The following ELMO1 variants were observed in gnomAD, a reference collection of about 807,000 sequenced individuals.
ELMO1 encodes engulfment and cell motility 1.
Under a neutral mutation model 98.9 loss-of-function variants are expected in ELMO1, and 26 were observed. The observed-to-expected ratio is 0.26, with a 90% CI of 0.19 to 0.36. The LOEUF (loss-of-function observed/expected upper bound fraction) is 0.36, where lower values mean the gene tolerates loss of function less well. ELMO1 is among the 10% of genes least tolerant of loss of function. The pLI, the probability that ELMO1 is intolerant of heterozygous loss-of-function variation, is 1.00. For missense variants in ELMO1, 627 were observed against 935.2 expected (o/e 0.67, Z 4.30); for synonymous variants, 346 against 346.0 (o/e 1.00, Z 0.00).
intron 16 of ELMO1, among the ~76,000 whole-genome samples, chr7:37,001,751 G>A (rs1174127122): frequency 1.3e-5 from 2 of 152,224 alleles, no homozygotes; most frequent in African/African-American, 2.4e-5. Flanking sequence ...ACGTACAAGA[G>A]CAGTTCAGGT....
chr7:37,157,845 A>G (rs1788905392), intron 13 of ELMO1, among the ~76,000 whole-genome samples: 1 of 152,156 alleles, frequency 6.6e-6, no homozygotes, highest in African/African-American at 2.4e-5. Flanking sequence ...CTGCATGGCC[A>G]AGTCAATCCT....
intron 13 of ELMO1, among the ~76,000 whole-genome samples, chr7:37,181,471 G>C (rs918893165): frequency 6.6e-6 from 1 of 152,144 alleles, no homozygotes; most frequent in African/African-American, 2.4e-5. Context: ...GATGGCCTTT[G>C]AGCGTCCTTG....
chr7:37,201,422 C>T (rs1450530889), intron 13 of ELMO1, among the ~76,000 whole-genome samples: 1 of 152,176 alleles, frequency 6.6e-6, no homozygotes, highest in Non-Finnish European at 1.5e-5. Context: ...GCTTGCCCTA[C>T]TTAAAATACT....
At chr7:37,420,430 T>G (rs139574512) in intron 1 of ELMO1, among the ~76,000 whole-genome samples, 129 of 152,380 alleles carry the variant, frequency 8.5e-4, no homozygotes, top group African/African-American at 3.0e-3. Context: ...CTTTTGTACC[T>G]GATTTTGTGT....
intron 16 of ELMO1, among the ~76,000 whole-genome samples, chr7:36,964,495 C>T (rs1444842025): frequency 6.6e-6 from 1 of 152,238 alleles, no homozygotes; most frequent in African/African-American, 2.4e-5. Context: ...GCTCTCACAT[C>T]ATCATAAAGT....
intron 1 of ELMO1, among the ~76,000 whole-genome samples, chr7:37,420,966 T>C (rs1355915810): frequency 2.0e-5 from 3 of 152,230 alleles, no homozygotes; most frequent in Admixed American, 6.5e-5. Flanking sequence ...CACACTTGTA[T>C]CTGATGGCCT....
chr7:37,230,464 G>C (rs1305633453), intron 8 of ELMO1, among the ~76,000 whole-genome samples: 1 of 152,124 alleles, frequency 6.6e-6, no homozygotes, highest in East Asian at 1.9e-4. Flanking sequence ...GAAGCACCCT[G>C]ACCATGTGAC....
intron 15 of ELMO1, among the ~76,000 whole-genome samples, chr7:37,019,630 G>A (rs999313398): frequency 6.6e-6 from 1 of 152,144 alleles, no homozygotes; most frequent in African/African-American, 2.4e-5. Context: ...GTTTATTATT[G>A]TTTTTAAAGG....
chr7:37,243,987 G>C (rs1368461809), intron 7 of ELMO1, among the ~76,000 whole-genome samples: 1 of 152,078 alleles, frequency 6.6e-6, no homozygotes, highest in East Asian at 1.9e-4. Context: ...AGCCACTGAA[G>C]AAAATCAAAG....
In ELMO1 at chr7:36,990,464, A is replaced by G. The variant is rs563371113; in HGVS notation, c.1437+22835T>C. Among the ~76,000 whole-genome samples, 3 of 152,314 alleles carry G rather than the reference A, an allele frequency of 2.0e-5. No individual in the cohort carries two copies. The East Asian group carries it at 5.8e-4, about 29-fold the overall frequency. Reference sequence around the variant, plus strand: ...CATTCAGATTTACTATGTGCTGTCCACAAAAGGAGAAGGGAATCACAGTAT... The same window carrying G: ...CATTCAGATTTACTATGTGCTGTCCGCAAAAGGAGAAGGGAATCACAGTAT... On this transcript the variant is annotated intron_variant, in intron 16 of 21. Coordinates refer to ENST00000310758, the MANE Select transcript of ELMO1 (RefSeq NM_014800.11).
At chr7:37,156,835 G>A (rs962249310) in intron 13 of ELMO1, among the ~76,000 whole-genome samples, 4 of 152,130 alleles carry the variant, frequency 2.6e-5, no homozygotes, top group Middle Eastern at 3.2e-3. Context: ...GCATCATCCT[G>A]ACACCAAAGC....
intron 9 of ELMO1, among the ~76,000 whole-genome samples, chr7:37,224,056 G>A (rs1793737125): frequency 6.6e-6 from 1 of 152,134 alleles, no homozygotes; most frequent in Admixed American, 6.5e-5. Flanking sequence ...AGGACTCCGG[G>A]GAAGCTATGG....
chr7:37,282,706 A>C (rs1271219292), intron 4 of ELMO1, among the ~76,000 whole-genome samples: 1 of 152,234 alleles, frequency 6.6e-6, no homozygotes, highest in Non-Finnish European at 1.5e-5. Context: ...GTAAATGCCC[A>C]TTCCCCATAA....
Position 36,855,722 on chromosome 7 carries a change from C to T in ELMO1, c.2013G>A (p.Ala671=), listed in dbSNP as rs776112181. 14 of 1,614,010 alleles carry T rather than the reference C, an allele frequency of 8.7e-6. No individual in the cohort carries two copies. Among genetic ancestry groups the T allele is most frequent in the South Asian group, 4.4e-5 (4 of 91,082 alleles). The part of the protein sequence containing the change: ...EYCIWTDGLN[A]LLGKDMMSDL... ...CGCTCATCATGTCCTTCCCGAGTAG[C>T]GCATTCAGTCCATCCGTCCAGATAC... Residue 671 remains alanine (A), a synonymous_variant, in exon 22 of 22, where the codon GCG becomes GCA. Coordinates refer to ENST00000310758, the MANE Select transcript of ELMO1 (RefSeq NM_014800.11). This position sits in a 1 kb window ranked among gnomAD's most constrained non-coding sequence, Gnocchi z 4.2.
chr7:37,439,173 A>G (rs1048998789), intron 1 of ELMO1, among the ~76,000 whole-genome samples: 2 of 152,096 alleles, frequency 1.3e-5, no homozygotes, highest in African/African-American at 2.4e-5. Context: ...CATCTAATCT[A>G]TCCTCCAGGT....
intron 2 of ELMO1, among the ~76,000 whole-genome samples, chr7:37,329,104 T>C (rs1433820838): frequency 6.6e-6 from 1 of 152,162 alleles, no homozygotes; most frequent in African/African-American, 2.4e-5. Context: ...GAAGGCATTT[T>C]GGGTTGAAGA....
intron 16 of ELMO1, among the ~76,000 whole-genome samples, chr7:36,935,454 G>C (rs1414301276): frequency 6.6e-6 from 1 of 152,148 alleles, no homozygotes; most frequent in African/African-American, 2.4e-5. Context: ...AAGTTGAGGA[G>C]AGCAGCTCTG....
At chr7:37,250,984 G>A (rs1223094211) in intron 6 of ELMO1, among the ~76,000 whole-genome samples, 2 of 152,056 alleles carry the variant, frequency 1.3e-5, no homozygotes, top group African/African-American at 4.8e-5. Flanking sequence ...TCTTGGAAAT[G>A]TTTCCCCTGT....
In ELMO1 at chr7:37,224,998, G is replaced by C. The variant is rs753901834; in HGVS notation, c.582C>G (p.Asp194Glu). 6.2e-7 allele frequency: 1 copy of C among 1,614,138 alleles called. No individual in the cohort carries two copies. The highest frequency in any genetic ancestry group is 8.5e-7 in the Non-Finnish European group (1 of 1,180,000). Residue 194 changes from aspartate to glutamate, a missense_variant, in exon 9 of 22, where the codon GAC (aspartate) becomes GAG (glutamate). Coordinates refer to ENST00000310758, the MANE Select transcript of ELMO1 (RefSeq NM_014800.11). ...CCAAGGACCGCTGCAGGATCGAGAT[G>C]TCTATGGCTGACTTGTTCACAAAAC... is the stretch of plus-strand genomic sequence containing the variant. ...IASFVNKSAI[D>E]ISILQRSLAI...
Sources: gnomAD v4.1 joint callset for allele counts (sites outside exome capture counted in the v4.1 genomes callset) on GRCh38, gnomAD v4.1.1 for gene constraint, Gnocchi (gnomAD v3.1) non-coding constraint, MANE v1.5 for transcripts, NCBI Gene and HGNC (gene_info 2026-07-23, HGNC 2026-07-21) for gene names.